The following PCDH15 variants were observed in gnomAD, a reference collection of about 807,000 sequenced individuals.
PCDH15 encodes protocadherin related 15, also known as protocadherin-15.
In PCDH15, 129 loss-of-function variants were observed where a neutral mutation model predicts 178.5. The observed-to-expected ratio is 0.72, with a 90% CI of 0.63 to 0.84. PCDH15 has a LOEUF of 0.84. Ranked by LOEUF, PCDH15 falls within the 40% of genes least tolerant of loss-of-function variation. The pLI, the probability that PCDH15 is intolerant of heterozygous loss-of-function variation, is 0.00. For synonymous variants in PCDH15, 800 were observed against 732.0 expected (o/e 1.09, Z -1.50); for missense variants, 2,230 against 2,099.9 (o/e 1.06, Z -1.21).
Position 53,805,761 on chromosome 10 carries a change from A to G in PCDH15, c.*818T>C, listed in dbSNP as rs1407059537. On this transcript the variant is annotated 3_prime_UTR_variant, in exon 38 of 38. Coordinates refer to ENST00000644397, the MANE Select transcript of PCDH15 (RefSeq NM_001384140.1). ...ATGAAATTGTCGTTCTAGATGCATT[A>G]CTGCTTACTCGAACCTTTCTCACTT... 1 of 152,134 alleles carries G rather than the reference A, an allele frequency of 6.6e-6. No individual in the cohort carries two copies. The highest frequency in any genetic ancestry group is 1.5e-5 in the Non-Finnish European group (1 of 68,018). The allele number at this position is 152,134 out of a possible 1,614,324, so 9.4% of individuals were successfully genotyped here.
intron 6 of PCDH15, among the ~76,000 whole-genome samples, chr10:54,331,317 C>T (rs1193745648): frequency 6.6e-6 from 1 of 151,852 alleles, no homozygotes; most frequent in Non-Finnish European, 1.5e-5. Flanking sequence ...TAAAGACACA[C>T]ACACTGTACA....
intron 2 of PCDH15, among the ~76,000 whole-genome samples, chr10:55,555,866 T>C (rs1483822597): frequency 6.6e-6 from 1 of 152,088 alleles, no homozygotes. Context: ...TTTCAATGGC[T>C]CTCCATAGTC....
intron 2 of PCDH15, among the ~76,000 whole-genome samples, chr10:54,560,773 G>T (rs918636417): frequency 6.6e-6 from 1 of 151,874 alleles, no homozygotes; most frequent in African/African-American, 2.4e-5. Context: ...TTAATTAAAA[G>T]TTTTAAATGT....
intron 2 of PCDH15, among the ~76,000 whole-genome samples, chr10:55,144,828 AT>A (rs34911214): frequency 0.2 from 30,193 of 151,852 alleles, 3,405 homozygotes; most frequent in South Asian, 0.36. Flanking sequence ...TTTTTAAATG[AT>A]TTTTTATTTA....
At chr10:54,297,780 T>C (rs2059895313) in intron 8 of PCDH15, among the ~76,000 whole-genome samples, 1 of 152,196 alleles carries the variant, frequency 6.6e-6, no homozygotes, top group Admixed American at 6.5e-5. Flanking sequence ...CAGATGATCC[T>C]GATAGGTATA....
intron 2 of PCDH15, among the ~76,000 whole-genome samples, chr10:55,065,191 A>G (rs1235009067): frequency 6.6e-6 from 1 of 152,074 alleles, no homozygotes; most frequent in Non-Finnish European, 1.5e-5. Context: ...CAAATTCCAT[A>G]TCTAGAAATA....
intron 3 of PCDH15, among the ~76,000 whole-genome samples, chr10:54,895,240 G>A (rs1006331024): frequency 2.0e-5 from 3 of 152,016 alleles, no homozygotes; most frequent in Non-Finnish European, 4.4e-5. Context: ...AAAGTCAACC[G>A]TGAAGGGCCC....
chr10:55,433,273 A>G (rs1209358525), intron 2 of PCDH15, among the ~76,000 whole-genome samples: 1 of 152,188 alleles, frequency 6.6e-6, no homozygotes, highest in Non-Finnish European at 1.5e-5. Flanking sequence ...CAATCGTAAT[A>G]AAGAAGAAGA....
intron 1 of PCDH15, among the ~76,000 whole-genome samples, chr10:55,236,015 A>C (rs1301531483): frequency 2.0e-5 from 3 of 152,036 alleles, no homozygotes; most frequent in Non-Finnish European, 2.9e-5. Flanking sequence ...GCTGGAACAC[A>C]AAGATAATAG....
chr10:54,618,969 A>G (rs1341909791), intron 2 of PCDH15, among the ~76,000 whole-genome samples: 4 of 152,062 alleles, frequency 2.6e-5, no homozygotes, highest in Non-Finnish European at 5.9e-5. Flanking sequence ...TGTTTTCATT[A>G]AAAGAAAATT....
intron 26 of PCDH15, among the ~76,000 whole-genome samples, chr10:53,869,792 T>C (rs2079705590): frequency 6.6e-6 from 1 of 152,002 alleles, no homozygotes; most frequent in South Asian, 2.1e-4. Flanking sequence ...AAAAAAAAAT[T>C]ACCCATATTC....
chr10:54,360,791 A>G (rs1945898750), intron 5 of PCDH15, among the ~76,000 whole-genome samples: 1 of 152,138 alleles, frequency 6.6e-6, no homozygotes, highest in South Asian at 2.1e-4. Flanking sequence ...ATTAAAGGGC[A>G]TTTTCTGGTT....
At chr10:53,984,703 G>A (rs1174527627) in intron 21 of PCDH15, among the ~76,000 whole-genome samples, 1 of 149,270 alleles carries the variant, frequency 6.7e-6, no homozygotes, top group African/African-American at 2.6e-5. Flanking sequence ...AGGCATATTT[G>A]TTTATTCATT....
At chr10:54,117,347 G>T (rs1384125307) in intron 15 of PCDH15, among the ~76,000 whole-genome samples, 1 of 152,124 alleles carries the variant, frequency 6.6e-6, no homozygotes, top group Non-Finnish European at 1.5e-5. Context: ...GGAATATGGT[G>T]GCTTGTGGAA....
At chr10:55,266,162 T>C (rs1842288876) in intron 1 of PCDH15, among the ~76,000 whole-genome samples, 1 of 152,134 alleles carries the variant, frequency 6.6e-6, no homozygotes, top group South Asian at 2.1e-4. Context: ...CCTTGTATAA[T>C]ACACATGTTT....
At chr10:54,402,648 T>C (rs1420445185) in intron 3 of PCDH15, among the ~76,000 whole-genome samples, 2 of 152,008 alleles carry the variant, frequency 1.3e-5, no homozygotes, top group Non-Finnish European at 2.9e-5. Flanking sequence ...TTTTCATTGT[T>C]ATATCTGTTA....
chr10:54,191,560 T>C (rs976254396), intron 11 of PCDH15, among the ~76,000 whole-genome samples: 1 of 152,110 alleles, frequency 6.6e-6, no homozygotes, highest in Non-Finnish European at 1.5e-5. Context: ...GGTATCAAGA[T>C]ACAGAAAATT....
intron 2 of PCDH15, among the ~76,000 whole-genome samples, chr10:55,572,092 C>T (rs1398675148): frequency 1.3e-5 from 2 of 152,010 alleles, no homozygotes; most frequent in East Asian, 3.9e-4. Context: ...TCTGTGCTCT[C>T]TTTAGAGCAG....
intron 3 of PCDH15, among the ~76,000 whole-genome samples, chr10:54,445,299 T>C (rs1404356673): frequency 6.6e-6 from 1 of 151,532 alleles, no homozygotes; most frequent in African/African-American, 2.4e-5. Flanking sequence ...GAAATGAATA[T>C]AAGCACATCT....
Sources: gnomAD v4.1 joint callset for allele counts (sites outside exome capture counted in the v4.1 genomes callset) on GRCh38, gnomAD v4.1.1 for gene constraint, MANE v1.5 for transcripts, NCBI Gene and HGNC (gene_info 2026-07-23, HGNC 2026-07-21) for gene names.